Variants in SYBU observed in about 807,000 individuals in gnomAD.
SYBU encodes the protein GOLSYN A protein.
SYBU carries 21 observed loss-of-function variants against 35.9 expected under a neutral mutation model. That is an observed-to-expected ratio of 0.58 (90% CI 0.41 to 0.84). SYBU has a LOEUF of 0.84. Ranked by LOEUF, SYBU falls within the 40% of genes least tolerant of loss-of-function variation. The pLI, the probability that SYBU is intolerant of heterozygous loss-of-function variation, is 0.00. For synonymous variants in SYBU, 319 were observed against 324.3 expected (o/e 0.98, Z 0.18); for missense variants, 768 against 848.2 (o/e 0.91, Z 1.17).
intron 2 of SYBU, among the ~76,000 whole-genome samples, chr8:109,639,390 C>T (rs1364212009): frequency 1.3e-5 from 2 of 152,066 alleles, no homozygotes; most frequent in Non-Finnish European, 2.9e-5. Flanking sequence ...ATAATTAATG[C>T]TTTTGATATA....
intron 3 of SYBU, among the ~76,000 whole-genome samples, chr8:109,602,593 C>G (rs369353599): frequency 1.2e-4 from 18 of 151,946 alleles, no homozygotes; most frequent in East Asian, 1.2e-3. Flanking sequence ...GCCACCACAC[C>G]CGGTTAATTT....
chr8:109,673,520 C>G (rs1817066613), intron 1 of SYBU, among the ~76,000 whole-genome samples: 1 of 152,100 alleles, frequency 6.6e-6, no homozygotes, highest in Admixed American at 6.5e-5. Flanking sequence ...CACAAAAACA[C>G]CATACAAGAA....
At chr8:109,632,870 G>C (rs1002716843) in intron 2 of SYBU, among the ~76,000 whole-genome samples, 6 of 152,194 alleles carry the variant, frequency 3.9e-5, no homozygotes, top group African/African-American at 9.6e-5. Context: ...AGCAATGACA[G>C]GTACAGGTAC....
At chr8:109,602,406 A>C (rs898194925) in intron 3 of SYBU, among the ~76,000 whole-genome samples, 2 of 151,818 alleles carry the variant, frequency 1.3e-5, no homozygotes, top group African/African-American at 2.4e-5. Context: ...TCCAAGATCA[A>C]TACTAGATTT....
At chr8:109,608,144 G>C (rs1008944910) in intron 3 of SYBU, 2 of 524,026 alleles carry the variant, frequency 3.8e-6, no homozygotes. Flanking sequence ...CAGCCTATCA[G>C]GGAAGAGCAC....
At chr8:109,583,686 T>C (rs768738413) in intron 4 of SYBU, among the ~76,000 whole-genome samples, 1 of 152,136 alleles carries the variant, frequency 6.6e-6, no homozygotes. Flanking sequence ...GATACCCAGC[T>C]ACTCTAGAGG....
chr8:109,644,140 A>G (rs1294997106), intron 1 of SYBU: 8 of 458,366 alleles, frequency 1.7e-5, no homozygotes, highest in Admixed American at 4.7e-5. Flanking sequence ...GGAACTTCGG[A>G]GGGCCCTCAG....
At position 109,575,786 on chromosome 8, in the gene SYBU, G is replaced by C; in HGVS notation, c.1112C>G (p.Ser371Cys). Residue 371 changes from serine to cysteine, a missense_variant, in exon 7 of 7, where the codon TCT (serine) becomes TGT (cysteine). Physicochemically the swap from Ser to Cys is moderately radical, Grantham distance 112. Coordinates refer to ENST00000276646, the MANE Select transcript of SYBU (RefSeq NM_001099754.2). ...TGCCATCTCCATGCTCTGAAGGAGA[G>C]ACTCCAGCTTCTTGTTTTGGATGTT... is the stretch of plus-strand genomic sequence containing the variant. Reference protein sequence around the residue: ...DINIQNKKLESLLQSMEMAHS... With the variant: ...DINIQNKKLECLLQSMEMAHS... 6.2e-7 allele frequency: 1 copy of C among 1,614,118 alleles called. No individual in the cohort carries two copies. The highest frequency in any genetic ancestry group is 8.5e-7 in the Non-Finnish European group (1 of 1,180,004).
intron 3 of SYBU, among the ~76,000 whole-genome samples, chr8:109,602,951 G>C (rs966141997): frequency 6.6e-6 from 1 of 152,208 alleles, no homozygotes. Flanking sequence ...ATATTTCCAA[G>C]ATAAGTCCTG....
chr8:109,581,085 A>C (rs981297263), intron 4 of SYBU: 8 of 152,164 alleles, frequency 5.3e-5, no homozygotes, highest in African/African-American at 1.9e-4. Context: ...ATGCTCCCTA[A>C]AACTCTGTGC....
chr8:109,618,568 C>T (rs1461573820), intron 3 of SYBU, among the ~76,000 whole-genome samples: 1 of 152,172 alleles, frequency 6.6e-6, no homozygotes, highest in African/African-American at 2.4e-5. Context: ...CTTGTTAAAA[C>T]ATCTGGCTTA....
intron 1 of SYBU, among the ~76,000 whole-genome samples, chr8:109,674,639 A>G (rs1010276046): frequency 6.6e-6 from 1 of 152,180 alleles, no homozygotes; most frequent in African/African-American, 2.4e-5. Flanking sequence ...TGAGCAAAAT[A>G]AAGCAAGTTC....
chr8:109,602,671 G>A (rs975867979), intron 3 of SYBU, among the ~76,000 whole-genome samples: 27 of 152,024 alleles, frequency 1.8e-4, no homozygotes, highest in Admixed American at 1.4e-3. Context: ...GACCTCAAGC[G>A]ATCCACCCAC....
intron 1 of SYBU, among the ~76,000 whole-genome samples, chr8:109,667,697 A>G (rs564508339): frequency 6.6e-6 from 1 of 152,280 alleles, no homozygotes; most frequent in South Asian, 2.1e-4. Flanking sequence ...GCACGATCAC[A>G]GTTCATTTCA....
chr8:109,651,680 T>C (rs1221467808), intron 1 of SYBU, among the ~76,000 whole-genome samples: 1 of 152,226 alleles, frequency 6.6e-6, no homozygotes, highest in East Asian at 1.9e-4. Context: ...AGGGATTAGA[T>C]AAGAACAGAC....
At chr8:109,600,802 A>C (rs553424808) in intron 3 of SYBU, among the ~76,000 whole-genome samples, 85 of 152,320 alleles carry the variant, frequency 5.6e-4, no homozygotes, top group Middle Eastern at 6.8e-3. Flanking sequence ...TTTCTGAAGG[A>C]GTTAACATGG....
intron 4 of SYBU, among the ~76,000 whole-genome samples, chr8:109,583,821 C>T (rs986789758): frequency 9.2e-5 from 14 of 152,152 alleles, no homozygotes; most frequent in Non-Finnish European, 1.6e-4. Flanking sequence ...TATTTATTTA[C>T]TTATTTGAAA....
intron 1 of SYBU, among the ~76,000 whole-genome samples, chr8:109,653,272 A>ATATCCCCTTACTGAGATC (rs1304849685): frequency 1.3e-5 from 2 of 152,150 alleles, no homozygotes; most frequent in Non-Finnish European, 2.9e-5. Context: ...GAGTTCCCAT[A>ATATCCCCTTACTGAGATC]TATCCCCTTA....
At chr8:109,653,308 T>C (rs1217178382) in intron 1 of SYBU, among the ~76,000 whole-genome samples, 1 of 152,178 alleles carries the variant, frequency 6.6e-6, no homozygotes, top group Non-Finnish European at 1.5e-5. Flanking sequence ...ATCTACCTGA[T>C]TAGTTAGGTA....
Sources: allele counts gnomAD v4.1 joint callset (sites outside exome capture counted in the v4.1 genomes callset), GRCh38; gene constraint gnomAD v4.1.1; transcripts MANE v1.5; gene names NCBI Gene and HGNC (gene_info 2026-07-23, HGNC 2026-07-21).